The following GRM8 variants were observed in gnomAD, a reference collection of about 807,000 sequenced individuals.
GRM8 encodes the protein metabotropic glutamate receptor 8.
Under a neutral mutation model 87.2 loss-of-function variants are expected in GRM8, and 47 were observed. The ratio of observed to expected loss-of-function variants is 0.54; its 90% CI spans 0.43 to 0.69. The LOEUF (loss-of-function observed/expected upper bound fraction) is 0.69, where lower values mean the gene tolerates loss of function less well. GRM8 is among the 30% of genes least tolerant of loss of function. The pLI is 0.00. For synonymous variants in GRM8, 396 were observed against 404.5 expected (o/e 0.98, Z 0.25); for missense variants, 1,019 against 1,139.2 (o/e 0.89, Z 1.52).
intron 3 of GRM8, among the ~76,000 whole-genome samples, chr7:126,916,352 A>T (rs1451026710): frequency 6.6e-6 from 1 of 152,216 alleles, no homozygotes; most frequent in Non-Finnish European, 1.5e-5. Flanking sequence ...TACGTGAATA[A>T]ATAAGAAGCC....
At chr7:127,117,904 T>A (rs1327333735) in intron 2 of GRM8, among the ~76,000 whole-genome samples, 1 of 152,230 alleles carries the variant, frequency 6.6e-6, no homozygotes, top group Non-Finnish European at 1.5e-5. Flanking sequence ...CTGGCAAATA[T>A]TCGATTTAGA....
intron 3 of GRM8, among the ~76,000 whole-genome samples, chr7:127,044,450 T>C (rs1248751071): frequency 2.0e-5 from 3 of 152,162 alleles, no homozygotes; most frequent in Non-Finnish European, 4.4e-5. Context: ...TATTTAAAAG[T>C]TCTGGCACAA....
At chr7:126,714,888 TAAG>T (rs1433871822) in intron 7 of GRM8, among the ~76,000 whole-genome samples, 3 of 152,142 alleles carry the variant, frequency 2.0e-5, no homozygotes, top group African/African-American at 7.2e-5. Flanking sequence ...AAAATGGTAT[TAAG>T]AAAATCATAA....
intron 3 of GRM8, among the ~76,000 whole-genome samples, chr7:126,966,211 T>G (rs1809845864): frequency 6.6e-6 from 1 of 152,152 alleles, no homozygotes; most frequent in South Asian, 2.1e-4. Context: ...CTTGGTTCAC[T>G]GCAACTTCTG....
chr7:126,520,169 C>T (rs146231447), intron 9 of GRM8, among the ~76,000 whole-genome samples: 29 of 151,904 alleles, frequency 1.9e-4, no homozygotes, highest in South Asian at 1.5e-3. Context: ...TTGACAGAGT[C>T]TAAACAGGGG....
chr7:126,727,164 T>C lies in GRM8; in HGVS notation c.1357+42701A>G, dbSNP rs186572429. Among the ~76,000 whole-genome samples the C allele has an allele frequency of 9.8e-3, 1,482 of 151,842 alleles. 11 individuals carry two copies. Among genetic ancestry groups the C allele is most frequent in the Non-Finnish European group, 0.015 (1,050 of 67,918 alleles). On this transcript the variant is annotated intron_variant, in intron 7 of 10. Transcript: ENST00000339582. Reference sequence around the variant, plus strand: ...AGGTAAATGACATAAATATAGAATATTTACATACAATATTAATATATATCA... The same window carrying C: ...AGGTAAATGACATAAATATAGAATACTTACATACAATATTAATATATATCA...
chr7:126,643,071 G>T (rs1440155838), intron 7 of GRM8, among the ~76,000 whole-genome samples: 1 of 151,518 alleles, frequency 6.6e-6, no homozygotes, highest in African/African-American at 2.4e-5. Flanking sequence ...AGGGTGGATT[G>T]TTTGAGCATA....
At chr7:126,606,730 C>A (rs1798391060) in intron 8 of GRM8, among the ~76,000 whole-genome samples, 1 of 152,146 alleles carries the variant, frequency 6.6e-6, no homozygotes, top group Non-Finnish European at 1.5e-5. Context: ...TATAAATGAT[C>A]ATAATCATGC....
chr7:127,014,266 T>G (rs1260842905), intron 3 of GRM8, among the ~76,000 whole-genome samples: 2 of 152,128 alleles, frequency 1.3e-5, no homozygotes, highest in African/African-American at 4.8e-5. Flanking sequence ...ATCGCTGCCT[T>G]TTTCATCCCA....
intron 7 of GRM8, among the ~76,000 whole-genome samples, chr7:126,662,458 G>C (rs1421023160): frequency 4.6e-5 from 7 of 152,128 alleles, no homozygotes; most frequent in Admixed American, 2.0e-4. Context: ...CTCTGAAATG[G>C]AAGAAGGCTC....
intron 9 of GRM8, among the ~76,000 whole-genome samples, chr7:126,461,996 G>T (rs1356205941): frequency 6.6e-6 from 1 of 151,588 alleles, no homozygotes; most frequent in Admixed American, 6.6e-5. Flanking sequence ...AGAAGGGATG[G>T]ATATTTCTCA....
intron 9 of GRM8, among the ~76,000 whole-genome samples, chr7:126,490,360 C>G (rs1158363894): frequency 6.6e-6 from 1 of 151,996 alleles, no homozygotes; most frequent in East Asian, 1.9e-4. Flanking sequence ...GCATATTCTG[C>G]TGAATAAAGC....
intron 10 of GRM8, among the ~76,000 whole-genome samples, chr7:126,444,025 G>T (rs1337200516): frequency 6.6e-6 from 1 of 151,500 alleles, no homozygotes; most frequent in Non-Finnish European, 1.5e-5. Context: ...TATAAGTTTG[G>T]TTCTTTAATT....
chr7:126,545,662 T>C (rs1405383897), intron 8 of GRM8, among the ~76,000 whole-genome samples: 2 of 152,284 alleles, frequency 1.3e-5, no homozygotes, highest in South Asian at 4.1e-4. Context: ...TTAAATGTTA[T>C]ACATAAATAA....
intron 3 of GRM8, among the ~76,000 whole-genome samples, chr7:127,101,754 G>T (rs1258384734): frequency 6.6e-6 from 1 of 152,150 alleles, no homozygotes; most frequent in African/African-American, 2.4e-5. Context: ...TAACACAGAA[G>T]ATTGGTGCTG....
At chr7:126,859,205 G>A (rs552167779) in intron 6 of GRM8, among the ~76,000 whole-genome samples, 122 of 152,030 alleles carry the variant, frequency 8.0e-4, no homozygotes, top group Non-Finnish European at 1.1e-3. Context: ...ACGACAGGTC[G>A]AGTACCTGGC....
intron 7 of GRM8, among the ~76,000 whole-genome samples, chr7:126,688,534 G>T (rs1808417096): frequency 6.6e-6 from 1 of 152,146 alleles, no homozygotes; most frequent in Non-Finnish European, 1.5e-5. Flanking sequence ...TAAAAAGAGT[G>T]AACAGAAGTA....
At chr7:127,057,040 G>GA (rs965756828) in intron 3 of GRM8, among the ~76,000 whole-genome samples, 12 of 149,880 alleles carry the variant, frequency 8.0e-5, no homozygotes, top group African/African-American at 2.4e-4. Flanking sequence ...ACATATGAGT[G>GA]AAAAAAAAAA....
intron 2 of GRM8, among the ~76,000 whole-genome samples, chr7:127,152,613 T>C (rs1792465478): frequency 6.6e-6 from 1 of 152,164 alleles, no homozygotes; most frequent in East Asian, 1.9e-4. Flanking sequence ...CAGTAATCAA[T>C]AATTGATCCC....
Sources: gnomAD v4.1 joint callset for allele counts (sites outside exome capture counted in the v4.1 genomes callset) on GRCh38, gnomAD v4.1.1 for gene constraint, MANE v1.5 for transcripts, NCBI Gene and HGNC (gene_info 2026-07-23, HGNC 2026-07-21) for gene names.